The following SLC26A7 variants were observed in gnomAD, a reference collection of about 807,000 sequenced individuals.
The protein encoded by SLC26A7 is anion exchange transporter.
In SLC26A7, 59 loss-of-function variants were observed where a neutral mutation model predicts 82.5. The ratio of observed to expected loss-of-function variants is 0.72; its 90% CI spans 0.58 to 0.89. The LOEUF (loss-of-function observed/expected upper bound fraction) is 0.89. Ranked by LOEUF, SLC26A7 falls within the 40% of genes least tolerant of loss-of-function variation. SLC26A7 has a pLI of 0.00. For synonymous variants in SLC26A7, 271 were observed against 274.3 expected (o/e 0.99, Z 0.12); for missense variants, 820 against 793.0 (o/e 1.03, Z -0.41).
rs138240072 is a variant in SLC26A7, at chr8:91,318,196, C to A, written c.478-20C>A. Reference sequence around the variant, plus strand: ...GGAGTTTCATCTGAAGTTCATCTCACTTCTCCCTTCTCCTCTTAGGTGGCC... The same window carrying A: ...GGAGTTTCATCTGAAGTTCATCTCAATTCTCCCTTCTCCTCTTAGGTGGCC... On this transcript the variant is annotated intron_variant, in intron 4 of 18. Transcript: ENST00000276609. 2.0e-3 allele frequency: 3,126 copies of A among 1,575,266 alleles called. 5 individuals are homozygous for A. Among genetic ancestry groups the A allele is most frequent in the Non-Finnish European group, 2.5e-3 (2,879 of 1,157,546 alleles).
At chr8:91,311,934 T>C (rs1017766247) in intron 4 of SLC26A7, among the ~76,000 whole-genome samples, 4 of 152,220 alleles carry the variant, frequency 2.6e-5, no homozygotes, top group African/African-American at 9.6e-5. Flanking sequence ...TCTGTAGGTA[T>C]CTGCTTAGGA....
chr8:91,388,070 G>A (rs1814845446), intron 15 of SLC26A7, among the ~76,000 whole-genome samples: 1 of 152,104 alleles, frequency 6.6e-6, no homozygotes, highest in Non-Finnish European at 1.5e-5. Flanking sequence ...AACAGTTACT[G>A]TCATATATAA....
At chr8:91,261,649 T>C (rs1412841957) in intron 2 of SLC26A7, among the ~76,000 whole-genome samples, 2 of 152,076 alleles carry the variant, frequency 1.3e-5, no homozygotes, top group African/African-American at 4.8e-5. Context: ...TTATATGATG[T>C]AGAATTTTAA....
intron 4 of SLC26A7, among the ~76,000 whole-genome samples, chr8:91,309,912 G>A (rs1563672489): frequency 6.6e-6 from 1 of 151,998 alleles, no homozygotes; most frequent in East Asian, 1.9e-4. Flanking sequence ...AACTCGAGGT[G>A]TTTTTCCCTA....
At chr8:91,346,307 C>G (rs1413937865) in intron 9 of SLC26A7, among the ~76,000 whole-genome samples, 1 of 152,054 alleles carries the variant, frequency 6.6e-6, no homozygotes, top group East Asian at 1.9e-4. Flanking sequence ...TTTAACATTG[C>G]AAGTGTTAAG....
At position 91,363,531 on chromosome 8, in the gene SLC26A7, T is replaced by A; in HGVS notation, c.1481T>A (p.Met494Lys). ...ATGGAATTTAAAGTGAAGACAGAAA[T>A]GGACAGTGTAAGTTTAGTTTTATTT... ...KEMEFKVKTE[M>K]DSETLQQVKI... The change falls in exon 13 of 19, where the codon ATG (methionine) becomes AAG (lysine). Residue 494 changes from methionine (M) to lysine (K), a missense_variant. Transcript: ENST00000276609. 5.4e-6 allele frequency: 8 copies of A among 1,494,712 alleles called. No homozygotes were observed. Among genetic ancestry groups the A allele is most frequent in the Non-Finnish European group, 7.3e-6 (8 of 1,088,820 alleles). 92.6% of individuals were successfully genotyped at this position (1,494,712 alleles called of 1,614,324 possible). A position where few individuals can be genotyped will look rare whatever the true frequency, so the allele number is the denominator to read the frequency against.
At chr8:91,277,860 T>TC (rs1471162202) in intron 2 of SLC26A7, among the ~76,000 whole-genome samples, 3 of 152,038 alleles carry the variant, frequency 2.0e-5, no homozygotes, top group Admixed American at 2.0e-4. Flanking sequence ...TTAGGCTTAT[T>TC]CCCCCCCAAA....
chr8:91,326,764 A>G (rs1412842701), intron 5 of SLC26A7, among the ~76,000 whole-genome samples: 2 of 152,136 alleles, frequency 1.3e-5, no homozygotes, highest in African/African-American at 4.8e-5. Context: ...TTATTCCCAC[A>G]TTTCTGGAAG....
chr8:91,389,781 A>G (rs934125088), intron 16 of SLC26A7, among the ~76,000 whole-genome samples: 1 of 152,220 alleles, frequency 6.6e-6, no homozygotes, highest in African/African-American at 2.4e-5. Context: ...TCTAGAGCAC[A>G]GGCTGCATAA....
intron 5 of SLC26A7, among the ~76,000 whole-genome samples, chr8:91,329,671 A>G (rs1017414103): frequency 6.6e-6 from 1 of 152,174 alleles, no homozygotes; most frequent in Admixed American, 6.6e-5. Context: ...TTAATACCAC[A>G]TAAAACAGCA....
At chr8:91,290,768 G>T (rs1217100652) in intron 3 of SLC26A7, among the ~76,000 whole-genome samples, 1 of 152,098 alleles carries the variant, frequency 6.6e-6, no homozygotes, top group Non-Finnish European at 1.5e-5. Flanking sequence ...TCATAATTCT[G>T]CCTACTACAT....
At chr8:91,377,982 G>A (rs576067750) in intron 15 of SLC26A7, among the ~76,000 whole-genome samples, 2 of 151,968 alleles carry the variant, frequency 1.3e-5, no homozygotes, top group African/African-American at 2.4e-5. Flanking sequence ...TGAAAAAAAC[G>A]AATTACAAAT....
At chr8:91,276,587 C>G (rs1225136448) in intron 2 of SLC26A7, among the ~76,000 whole-genome samples, 2 of 152,158 alleles carry the variant, frequency 1.3e-5, no homozygotes, top group African/African-American at 4.8e-5. Context: ...TGAACTGGAC[C>G]TGAACTGACC....
rs1489754122 is a variant in SLC26A7, at chr8:91,362,388, C to T, written c.1350C>T (p.Cys450=). 2 of 1,613,250 alleles carry T rather than the reference C, an allele frequency of 1.2e-6. No homozygotes were observed. Among genetic ancestry groups the T allele is most frequent in the African/African-American group, 1.3e-5 (1 of 75,004 alleles). ...TCAGTACATATGTATTTACAATATG[C>T]TTTGCTGCCAATGTGGGACTGCTGT... ...IWVSTYVFTI[C]FAANVGLLFG... Residue 450 remains cysteine, a synonymous_variant, in exon 12 of 19, where the codon TGC becomes TGT. Coordinates refer to ENST00000276609, the MANE Select transcript of SLC26A7 (RefSeq NM_052832.4).
intron 15 of SLC26A7, among the ~76,000 whole-genome samples, chr8:91,375,575 A>G (rs1434510803): frequency 6.6e-6 from 1 of 151,464 alleles, no homozygotes; most frequent in Non-Finnish European, 1.5e-5. Flanking sequence ...CTGGCTTGTA[A>G]TATTTTTGCT....
At chr8:91,259,373 T>C (rs1810898185) in intron 2 of SLC26A7, among the ~76,000 whole-genome samples, 2 of 152,108 alleles carry the variant, frequency 1.3e-5, no homozygotes, top group Non-Finnish European at 2.9e-5. Flanking sequence ...TGCTCAGCTC[T>C]AGAACAGATG....
At chr8:91,239,393 A>AT (rs1290343702) in intron 2 of SLC26A7, among the ~76,000 whole-genome samples, 45 of 101,828 alleles carry the variant, frequency 4.4e-4, no homozygotes, top group Middle Eastern at 5.0e-3. Context: ...AAAAAAAAAA[A>AT]AAATATATAT....
intron 15 of SLC26A7, among the ~76,000 whole-genome samples, chr8:91,388,309 G>C (rs1217886969): frequency 6.9e-6 from 1 of 144,786 alleles, no homozygotes; most frequent in Non-Finnish European, 1.5e-5. Flanking sequence ...TGCAGTGGCG[G>C]GATCTCGGCT....
At chr8:91,367,355 A>G (rs1048303860) in intron 14 of SLC26A7, among the ~76,000 whole-genome samples, 2 of 152,242 alleles carry the variant, frequency 1.3e-5, no homozygotes, top group African/African-American at 2.4e-5. Flanking sequence ...TTAACTCTAA[A>G]CGTGATAGAA....
Sources: gnomAD v4.1 joint callset for allele counts (sites outside exome capture counted in the v4.1 genomes callset) on GRCh38, gnomAD v4.1.1 for gene constraint, MANE v1.5 for transcripts, NCBI Gene and HGNC (gene_info 2026-07-23, HGNC 2026-07-21) for gene names.